Variants in MUC3A observed in about 807,000 individuals in gnomAD.
The protein encoded by MUC3A is mucin-3A.
A neutral mutation model predicts 109.0 loss-of-function variants in MUC3A; 109 were observed. The ratio of observed to expected loss-of-function variants is 1.00; its 90% CI spans 0.86 to 1.17. MUC3A has a LOEUF of 1.17. Among genes scored for constraint, MUC3A ranks in the 50% most tolerant of loss-of-function variants. The pLI is 0.00. For missense variants in MUC3A, 3,537 were observed against 2,469.4 expected, an observed-to-expected ratio of 1.43 and a Z score of -9.16; for synonymous variants, 1,398 against 981.4, an observed-to-expected ratio of 1.42 and a Z score of -7.93.
At position 100,967,435 on chromosome 7, in the gene MUC3A, C is replaced by G. The variant is rs1792638812; in HGVS notation, c.*273C>G. ...TTCCTCACCTGCAAAACGGGTACAG[C>G]ATTCCTGTATGATAGCTCACGCCGT... On this transcript the variant is annotated 3_prime_UTR_variant, in exon 12 of 12. Coordinates refer to ENST00000379458, the MANE Select transcript of MUC3A (RefSeq NM_005960.2). 4 of 602,176 alleles carry G rather than the reference C, an allele frequency of 6.6e-6. No homozygotes were observed. The highest frequency in any genetic ancestry group is 5.6e-5 in the African/African-American group (3 of 54,022). The allele number at this position is 602,176 out of a possible 1,614,324, so 37.3% of individuals were successfully genotyped here.
intron 5 of MUC3A, chr7:100,964,079 AAG>A (rs1792437824): frequency 3.1e-5 from 14 of 458,688 alleles, no homozygotes; most frequent in East Asian, 1.1e-4. Flanking sequence ...GAGAGAGAGA[AAG>A]AGAGAGAGGG....
intron 5 of MUC3A, chr7:100,964,091 G>C: frequency 2.1e-6 from 1 of 485,060 alleles, no homozygotes; most frequent in Non-Finnish European, 3.7e-6. Context: ...GAGAGAGAGG[G>C]AGAGAACGCA....
At position 100,959,994 on chromosome 7, in the gene MUC3A, A is replaced by G. The variant is rs1232249073; in HGVS notation, c.8215A>G (p.Thr2739Ala). Residue 2739 changes from threonine to alanine, a missense_variant, in exon 2 of 12, where the codon ACC becomes GCC. Thr to Ala is a moderately conservative substitution (Grantham distance 58). Transcript: ENST00000379458. ...GFPSLSSSAT[T>A]STSSTSSSLT... ...TCCTAGTCTCTCTTCCTCTGCAACT[A>G]CCAGCACTTCTTCAACCAGCTCCTC... is the stretch of plus-strand genomic sequence containing the variant. 1.3e-6 allele frequency: 2 copies of G among 1,506,458 alleles called. No homozygotes were observed. Among genetic ancestry groups the G allele is most frequent in the Non-Finnish European group, 1.8e-6 (2 of 1,139,070 alleles). 93.3% of individuals were successfully genotyped at this position (1,506,458 alleles called of 1,614,324 possible). A position where few individuals can be genotyped will look rare whatever the true frequency, so the allele number is the denominator to read the frequency against.
At position 100,959,459 on chromosome 7, in the gene MUC3A, C is replaced by T. The variant is rs1340811903; in HGVS notation, c.7680C>T (p.Asn2560=). ...GAATGACCCTCAGAATTACTGAGAA[C>T]ACCCCAATCAGTTCCTTTAGCACAA... ...TVRMTLRITE[N]TPISSFSTSI... is the part of the protein sequence containing the mutation. Residue 2560 remains asparagine (N), a synonymous_variant, in exon 2 of 12, where the codon AAC becomes AAT. Transcript: ENST00000379458. 2.6e-6 allele frequency: 4 copies of T among 1,566,528 alleles called. No homozygotes were observed. Among genetic ancestry groups the T allele is most frequent in the Non-Finnish European group, 3.4e-6 (4 of 1,166,306 alleles).
Position 100,959,936 on chromosome 7 carries a change from A to G in MUC3A, c.8157A>G (p.Thr2719=). The change falls in exon 2 of 12, where the codon ACA becomes ACG. Residue 2719 remains threonine, a synonymous_variant. Coordinates refer to ENST00000379458, the MANE Select transcript of MUC3A (RefSeq NM_005960.2). ...SVPSSPYIFS[T]ENVGSASITG... ...CTTCTTCACCATACATTTTCAGTACAGAAAATGTGGGCTCCGCTTCTATCA... is the reference window on the plus strand; with the variant it reads ...CTTCTTCACCATACATTTTCAGTACGGAAAATGTGGGCTCCGCTTCTATCA... 6.6e-7 allele frequency: 1 copy of G among 1,511,778 alleles called. No homozygotes were observed. The highest frequency in any genetic ancestry group is 2.2e-5 in the Admixed American group (1 of 45,024). 93.6% of individuals were successfully genotyped at this position (1,511,778 alleles called of 1,614,324 possible).
Position 100,959,660 on chromosome 7 carries a change from A to T in MUC3A, c.7881A>T (p.Ser2627=). 6.3e-7 allele frequency: 1 copy of T among 1,598,522 alleles called. No individual in the cohort carries two copies. Among genetic ancestry groups the T allele is most frequent in the Non-Finnish European group, 8.5e-7 (1 of 1,179,794 alleles). ...CCTTGAGCACGATCGTGTCAACATCACAGGTTCCTATTCCTAGCACACATT... is the reference window on the plus strand; with the variant it reads ...CCTTGAGCACGATCGTGTCAACATCTCAGGTTCCTATTCCTAGCACACATT... ...STALSTIVST[S]QVPIPSTHSS... is the part of the protein sequence containing the mutation. The change falls in exon 2 of 12, where the codon TCA becomes TCT. Residue 2627 remains serine (S), a synonymous_variant. Coordinates refer to ENST00000379458, the MANE Select transcript of MUC3A (RefSeq NM_005960.2).
chr7:100,958,566 A>C lies in MUC3A; in HGVS notation c.6787A>C (p.Thr2263Pro). Reference protein sequence around the residue: ...TPSFTSSITTTETTSHDTPSF... With the variant: ...TPSFTSSITTPETTSHDTPSF... ...CAGCTTCACTTCTTCGATCACCACC[A>C]CTGAGACCACCTCACATGATACTCC... The change falls in exon 2 of 12, where the codon ACT becomes CCT. Residue 2263 changes from threonine to proline, a missense_variant. By Grantham distance (38) the Thr-to-Pro change is conservative. Coordinates refer to ENST00000379458, the MANE Select transcript of MUC3A (RefSeq NM_005960.2). 7.6e-7 allele frequency: 1 copy of C among 1,317,802 alleles called. No homozygotes were observed. The highest frequency in any genetic ancestry group is 1.1e-6 in the Non-Finnish European group (1 of 925,632). The allele number at this position is 1,317,802 out of a possible 1,614,324, so 81.6% of individuals were successfully genotyped here.
intron 7 of MUC3A, 170 bp downstream of exon 7, chr7:100,965,517 A>C (rs1184423412): frequency 2.8e-6 from 4 of 1,412,542 alleles, no homozygotes; most frequent in South Asian, 2.7e-5. Context: ...TGAGGACAGC[A>C]GGGGCCACGA....
chr7:100,959,495 TA>T lies in MUC3A; in HGVS notation c.7717del (p.Ile2573TyrfsTer12). On this transcript the variant is annotated frameshift_variant, in exon 2 of 12. Transcript: ENST00000379458. LOFTEE classifies it high-confidence loss of function. Reference protein sequence around the residue: ...ISSFSTSIVVIPETPTQTPPV... With the variant: ...ISSFSTSIVVXPETPTQTPPV... ...GTTCCTTTAGCACAAGTATTGTTGTTATACCTGAAACCCCAACACAGACCCC... is the reference window on the plus strand; with the variant it reads ...GTTCCTTTAGCACAAGTATTGTTGTTTACCTGAAACCCCAACACAGACCCC... 3.2e-6 allele frequency: 5 copies of T among 1,586,396 alleles called. No homozygotes were observed. The highest frequency in any genetic ancestry group is 4.3e-6 in the Non-Finnish European group (5 of 1,175,064).
intron 1 of MUC3A, 30 bp downstream of exon 1, chr7:100,949,715 G>T (rs1462366454): frequency 6.7e-7 from 1 of 1,503,056 alleles, no homozygotes. Flanking sequence ...GGGGGTTGGA[G>T]AAAAGCTCCT....
intron 1 of MUC3A, among the ~76,000 whole-genome samples, chr7:100,950,322 T>C (rs958377972): frequency 2.0e-5 from 3 of 150,670 alleles, no homozygotes; most frequent in African/African-American, 7.3e-5. Context: ...CTACCCGTCG[T>C]GGGGTCCCAG....
At position 100,966,464 on chromosome 7, in the gene MUC3A, C is replaced by T. The variant is rs1792564551; in HGVS notation, c.9690C>T (p.Gly3230=). The change falls in exon 9 of 12, where the codon GGC becomes GGT. Residue 3230 remains glycine (G), a synonymous_variant. Coordinates refer to ENST00000379458, the MANE Select transcript of MUC3A (RefSeq NM_005960.2). Reference sequence around the variant, plus strand: ...TCCACTGGAGGGCGCTGGTCGGGGGCCTGACGGCCGGCGCCGCGCTGCTGG... The same window carrying T: ...TCCACTGGAGGGCGCTGGTCGGGGGTCTGACGGCCGGCGCCGCGCTGCTGG... ...VAVHWRALVG[G]LTAGAALLVL... is the part of the protein sequence containing the mutation. The T allele has an allele frequency of 5.2e-6, 7 of 1,339,934 alleles. No homozygotes were observed. In the East Asian group the frequency reaches 1.4e-4, roughly 27 times the overall value. The allele number at this position is 1,339,934 out of a possible 1,614,324, so 83.0% of individuals were successfully genotyped here. A position where few individuals can be genotyped will look rare whatever the true frequency, so the allele number is the denominator to read the frequency against.
intron 8 of MUC3A, 178 bp downstream of exon 8, chr7:100,966,044 G>T: frequency 2.4e-6 from 2 of 823,396 alleles, no homozygotes; most frequent in Non-Finnish European, 3.6e-6. Flanking sequence ...CTGGAGCTCT[G>T]CTCCTTTGAT....
rs952924729 is a variant in MUC3A at position 100,956,075 on chromosome 7, C to G, written c.4296C>G (p.Thr1432=). ...CACCTGTCCCAAGCACAGAGGTGAC[C>G]ACCAGTCATACCACAAACACCAATC... is the stretch of plus-strand genomic sequence containing the variant. ...SSTPVPSTEV[T]TSHTTNTNPV... The change falls in exon 2 of 12, where the codon ACC becomes ACG. Residue 1432 remains threonine (T), a synonymous_variant. Transcript: ENST00000379458. 1 of 439,134 alleles carries G rather than the reference C, an allele frequency of 2.3e-6. No individual in the cohort carries two copies. The highest frequency in any genetic ancestry group is 4.0e-6 in the Non-Finnish European group (1 of 250,852). 27.2% of individuals were successfully genotyped at this position (439,134 alleles called of 1,614,324 possible).
chr7:100,965,513 C>T, intron 7 of MUC3A, 166 bp downstream of exon 7: 1 of 1,418,082 alleles, frequency 7.1e-7, no homozygotes, highest in Non-Finnish European at 9.5e-7. Context: ...CACCTGAGGA[C>T]AGCAGGGGCC....
intron 1 of MUC3A, among the ~76,000 whole-genome samples, chr7:100,949,895 C>T (rs1468710754): frequency 0.037 from 11 of 298 alleles, no homozygotes; most frequent in South Asian, 0.083. Context: ...CAGGGAAAAC[C>T]GAGGTTGGGA....
At position 100,965,141 on chromosome 7, in the gene MUC3A, TC is replaced by T. The variant is rs1792482731; in HGVS notation, c.9383-140del. On this transcript the variant is annotated intron_variant, in intron 6 of 11. Transcript: ENST00000379458. ...CAACAGGAGTCTTCGCCTGTGGCTC[TC>T]TCCGTCTGGGAGAGGGCTCTCCCAG... 4 of 1,340,298 alleles carry T rather than the reference TC, an allele frequency of 3.0e-6. No homozygotes were observed. The Middle Eastern group carries it at 7.3e-4, about 244-fold the overall frequency. 83.0% of individuals were successfully genotyped at this position (1,340,298 alleles called of 1,614,324 possible). A position where few individuals can be genotyped will look rare whatever the true frequency, so the allele number is the denominator to read the frequency against.
chr7:100,967,352 G>A lies in MUC3A; in HGVS notation c.*190G>A. 1 of 878,058 alleles carries A rather than the reference G, an allele frequency of 1.1e-6. No individual in the cohort carries two copies. Among genetic ancestry groups the A allele is most frequent in the Non-Finnish European group, 1.7e-6 (1 of 580,948 alleles). The allele number at this position is 878,058 out of a possible 1,614,324, so 54.4% of individuals were successfully genotyped here. A position where few individuals can be genotyped will look rare whatever the true frequency, so the allele number is the denominator to read the frequency against. On this transcript the variant is annotated 3_prime_UTR_variant, in exon 12 of 12. Transcript: ENST00000379458. ...TGGCTGAAACCCACCTGGAGACGCA[G>A]TTCACGTCCAGGCTCTTCCACTGTG... is the stretch of plus-strand genomic sequence containing the variant.
Position 100,966,761 on chromosome 7 carries a change from G to A in MUC3A, c.9877+18G>A, listed in dbSNP as rs1161002898. The A allele has an allele frequency of 6.3e-7, 1 of 1,598,538 alleles. No individual in the cohort carries two copies. Among genetic ancestry groups the A allele is most frequent in the Non-Finnish European group, 8.5e-7 (1 of 1,179,818 alleles). On this transcript the variant is annotated intron_variant, in intron 10 of 11. Coordinates refer to ENST00000379458, the MANE Select transcript of MUC3A (RefSeq NM_005960.2). The stretch of plus-strand genomic sequence containing the variant: ...CGGAACAGGTGAGTCCTGCCTCCTG[G>A]GGAAGCAGGCAGAGGCTTTCCTGGG...
Sources: allele counts gnomAD v4.1 joint callset (sites outside exome capture counted in the v4.1 genomes callset), GRCh38; gene constraint gnomAD v4.1.1; transcripts MANE v1.5; gene names NCBI Gene and HGNC (gene_info 2026-07-23, HGNC 2026-07-21).